SNRPN: variants seen among roughly 807,000 people sequenced by gnomAD.
The protein encoded by SNRPN is small nuclear ribonucleoprotein-associated protein N.
Under a neutral mutation model 25.2 loss-of-function variants are expected in SNRPN, and 7 were observed. The ratio of observed to expected loss-of-function variants is 0.28; its 90% CI spans 0.16 to 0.52. The LOEUF (loss-of-function observed/expected upper bound fraction) is 0.52, where lower values mean the gene tolerates loss of function less well. SNRPN is among the 20% of genes least tolerant of loss of function. The probability of loss-of-function intolerance (pLI) is 0.96; values close to 1 mark genes in which losing one functional copy is unlikely to be tolerated. For missense variants in SNRPN, 196 were observed against 322.5 expected (o/e 0.61, Z 3.00); for synonymous variants, 124 against 110.6 (o/e 1.12, Z -0.76).
At chr15:24,957,360 T>C (rs1280608746) in intron 1 of SNRPN, among the ~76,000 whole-genome samples, 1 of 152,184 alleles carries the variant, frequency 6.6e-6, no homozygotes, top group Non-Finnish European at 1.5e-5. Context: ...ACAATCTTAT[T>C]GGGGTGGGGT....
chr15:24,933,964 A>G (rs1467853321), intron 3 of SNRPN, among the ~76,000 whole-genome samples: 2 of 152,214 alleles, frequency 1.3e-5, no homozygotes, highest in Non-Finnish European at 2.9e-5. Context: ...ACTGCTATGC[A>G]TACATGTATG....
intron 2 of SNRPN, among the ~76,000 whole-genome samples, chr15:24,900,360 A>G (rs1038107464): frequency 1.3e-5 from 2 of 152,302 alleles, no homozygotes; most frequent in Middle Eastern, 6.8e-3. Flanking sequence ...GAAACTTGGA[A>G]TGGGTCAGGA....
intron 2 of SNRPN, among the ~76,000 whole-genome samples, chr15:24,919,603 A>G (rs906944740): frequency 2.6e-5 from 4 of 152,160 alleles, no homozygotes; most frequent in African/African-American, 4.8e-5. Context: ...AAAATTACCA[A>G]TGAGAAACCT....
chr15:24,873,488 C>G (rs1396036961), intron 1 of SNRPN, among the ~76,000 whole-genome samples: 1 of 140,358 alleles, frequency 7.1e-6, no homozygotes, highest in Non-Finnish European at 1.6e-5. Context: ...CGCTCTGTTG[C>G]CCAGGCTAGA....
intron 3 of SNRPN, among the ~76,000 whole-genome samples, chr15:24,973,086 G>C (rs149551820): frequency 1.3e-5 from 2 of 151,918 alleles, no homozygotes; most frequent in Non-Finnish European, 2.9e-5. Flanking sequence ...TAGGGTTTTC[G>C]CCATGTTGGC....
intron 4 of SNRPN, chr15:24,974,716 G>T (rs1397465170): frequency 1.6e-6 from 1 of 608,218 alleles, no homozygotes; most frequent in Non-Finnish European, 2.9e-6. Context: ...GGGTTCAAGA[G>T]ATTCTCGTGC....
chr15:24,856,083 G>A (rs2053356930), upstream of SNRPN, among the ~76,000 whole-genome samples: 1 of 151,686 alleles, frequency 6.6e-6, no homozygotes, highest in African/African-American at 2.4e-5. Flanking sequence ...ATTTCTCTGT[G>A]AAAATATCAC....
In SNRPN at chr15:24,975,361, G is replaced by A. The variant is rs751103846; in HGVS notation, c.7G>A (p.Val3Ile). 6.2e-7 allele frequency: 1 copy of A among 1,613,166 alleles called. No individual in the cohort carries two copies. Among genetic ancestry groups the A allele is most frequent in the South Asian group, 1.1e-5 (1 of 91,012 alleles). Residue 3 changes from valine to isoleucine, a missense_variant, in exon 5 of 10, where the codon GTT (valine) becomes ATT (isoleucine). Coordinates refer to ENST00000390687, the MANE Select transcript of SNRPN (RefSeq NM_003097.6). MT[V>I]GKSSKMLQHI... ...ACTCTTGTCTTACTGCTTCTAGACT[G>A]TTGGCAAGAGTAGCAAGATGCTGCA...
chr15:24,854,295 A>G (rs564117938), upstream of SNRPN, among the ~76,000 whole-genome samples: 48 of 152,332 alleles, frequency 3.2e-4, 1 homozygote, highest in Admixed American at 1.0e-3. Flanking sequence ...TTCAAACCAT[A>G]GCAAGAACAT....
intron 2 of SNRPN, among the ~76,000 whole-genome samples, chr15:24,899,356 T>C (rs1218372630): frequency 1.3e-5 from 2 of 152,260 alleles, no homozygotes; most frequent in Admixed American, 6.5e-5. Flanking sequence ...AAATTAATCA[T>C]TCATTGCCTG....
intron 2 of SNRPN, among the ~76,000 whole-genome samples, chr15:24,910,572 A>G (rs1029955128): frequency 1.3e-5 from 2 of 151,990 alleles, no homozygotes; most frequent in African/African-American, 4.8e-5. Flanking sequence ...GCTCACTGCA[A>G]CCTCTGCCTC....
In SNRPN at chr15:24,914,564, A is replaced by C. The variant is rs150425689; in HGVS notation, c.-504-5447A>C. ...ACACACAAAAATTAAAAATAAAAAT[A>C]AATAAAAAAAATTAAAACCTATCCT... On this transcript the variant is annotated intron_variant, in intron 2 of 11. Transcript: ENST00000400097. 2.1e-4 allele frequency among the ~76,000 whole-genome samples: 32 copies of C among 152,180 alleles called. No individual in the cohort carries two copies. The East Asian group carries it at 4.1e-3, about 19-fold the overall frequency.
chr15:24,862,763 A>T (rs548049848), intron 1 of SNRPN, among the ~76,000 whole-genome samples: 1 of 150,782 alleles, frequency 6.6e-6, no homozygotes, highest in Non-Finnish European at 1.5e-5. Flanking sequence ...GGCCTTCAGG[A>T]GGAGGAGCAT....
chr15:24,925,758 T>C (rs984608832), intron 3 of SNRPN, among the ~76,000 whole-genome samples: 4 of 151,882 alleles, frequency 2.6e-5, no homozygotes, highest in Admixed American at 2.0e-4. Context: ...TTTTTTTTTT[T>C]TGAGACAGAG....
At position 24,909,720 on chromosome 15, in the gene SNRPN, G is replaced by A. The variant is rs576743871; in HGVS notation, c.-504-10291G>A. 8 of 1,247,328 alleles carry A rather than the reference G, an allele frequency of 6.4e-6. No individual in the cohort carries two copies. In the East Asian group the frequency reaches 1.2e-4, roughly 18 times the overall value. The allele number at this position is 1,247,328 out of a possible 1,614,324, so 77.3% of individuals were successfully genotyped here. ...TTATTTTTATCCTGTATCACCAAGC[G>A]TTTCCGAGTATCGTAATCAGTTTTA... On this transcript the variant is annotated intron_variant, in intron 2 of 11. Transcript: ENST00000400097.
At chr15:24,935,616 T>C (rs2152950342) in intron 3 of SNRPN, among the ~76,000 whole-genome samples, 2 of 152,324 alleles carry the variant, frequency 1.3e-5, no homozygotes, top group East Asian at 3.9e-4. Context: ...AAGTCTGGAC[T>C]GGAGGTCATT....
intron 3 of SNRPN, among the ~76,000 whole-genome samples, chr15:24,925,067 C>A (rs1369987629): frequency 6.6e-6 from 1 of 151,890 alleles, no homozygotes; most frequent in Non-Finnish European, 1.5e-5. Context: ...AGTAAGTACA[C>A]AATCATATGA....
chr15:24,956,065 G>A (rs2062810397), intron 1 of SNRPN, among the ~76,000 whole-genome samples: 1 of 152,122 alleles, frequency 6.6e-6, no homozygotes, highest in Non-Finnish European at 1.5e-5. Flanking sequence ...TGCCGCAGGG[G>A]CTGCAGAAAT....
upstream of SNRPN, among the ~76,000 whole-genome samples, chr15:24,952,084 G>T (rs2062326669): frequency 6.6e-6 from 1 of 151,698 alleles, no homozygotes; most frequent in Non-Finnish European, 1.5e-5. Flanking sequence ...AGTATACATG[G>T]AATATATGTG....
Sources: allele counts gnomAD v4.1 joint callset (sites outside exome capture counted in the v4.1 genomes callset), GRCh38; gene constraint gnomAD v4.1.1; transcripts MANE v1.5; gene names NCBI Gene and HGNC (gene_info 2026-07-23, HGNC 2026-07-21).